Variants in KCNN2 observed in about 807,000 individuals in gnomAD.
KCNN2 encodes small conductance calcium-activated potassium channel protein 2.
A neutral mutation model predicts 55.5 loss-of-function variants in KCNN2; 24 were observed. That is an observed-to-expected ratio of 0.43 (90% CI 0.31 to 0.61). KCNN2 has a LOEUF of 0.61. KCNN2 is among the 20% of genes least tolerant of loss of function. The pLI is 0.08. For synonymous variants in KCNN2, 431 were observed against 336.1 expected (o/e 1.28, Z -3.09); for missense variants, 754 against 853.6 (o/e 0.88, Z 1.45).
chr5:114,371,528 G>A (rs147668873), intron 2 of KCNN2, among the ~76,000 whole-genome samples: 116 of 152,272 alleles, frequency 7.6e-4, no homozygotes, highest in Non-Finnish European at 1.5e-3. Context: ...TTAACATGGG[G>A]TAGGGAAGTG....
intron 1 of KCNN2, among the ~76,000 whole-genome samples, chr5:114,071,765 A>G (rs1485262955): frequency 6.6e-6 from 1 of 152,182 alleles, no homozygotes; most frequent in Non-Finnish European, 1.5e-5. Flanking sequence ...TATGGGCAGT[A>G]CACAAGGGAT....
At chr5:114,149,481 C>T (rs951577058) in intron 1 of KCNN2, among the ~76,000 whole-genome samples, 3 of 152,246 alleles carry the variant, frequency 2.0e-5, no homozygotes, top group South Asian at 2.1e-4. Flanking sequence ...GGGTCACTGC[C>T]TTCTGGTCCC....
rs193102034 is a variant in KCNN2, at chr5:114,346,725, T to C, written c.-184-14220T>C. 3.2e-3 allele frequency among the ~76,000 whole-genome samples: 469 copies of C among 147,432 alleles called. 3 individuals carry two copies. Among genetic ancestry groups the C allele is most frequent in the Non-Finnish European group, 5.3e-3 (355 of 67,456 alleles). ...GTAAAAAATGACATGGCAGTAACAA[T>C]GAGTTACCTTTGTATGCATATGTTG... On this transcript the variant is annotated intron_variant, in intron 2 of 10. Transcript: ENST00000512097.
At chr5:114,413,171 CA>C (rs1040849159) in intron 3 of KCNN2, among the ~76,000 whole-genome samples, 3 of 152,188 alleles carry the variant, frequency 2.0e-5, no homozygotes, top group Non-Finnish European at 4.4e-5. Flanking sequence ...TAATGTTTGC[CA>C]AATAAATTGG....
At chr5:114,115,308 A>C (rs1289399277) in intron 1 of KCNN2, among the ~76,000 whole-genome samples, 2 of 152,134 alleles carry the variant, frequency 1.3e-5, no homozygotes, top group African/African-American at 2.4e-5. Flanking sequence ...ATTGTATTGA[A>C]TACTAACCAT....
intron 3 of KCNN2, among the ~76,000 whole-genome samples, chr5:114,424,194 C>G (rs1230027252): frequency 6.6e-6 from 1 of 152,132 alleles, no homozygotes. Context: ...ATTACTTGCC[C>G]TGAATAAATT....
At chr5:114,437,032 T>C (rs1419664864) in intron 3 of KCNN2, among the ~76,000 whole-genome samples, 1 of 151,944 alleles carries the variant, frequency 6.6e-6, no homozygotes, top group Non-Finnish European at 1.5e-5. Context: ...CTATAAAATG[T>C]GTGTGTGTTT....
intron 1 of KCNN2, among the ~76,000 whole-genome samples, chr5:114,201,852 TGACAGCTGCAGCCTTGTCAGCC>T (rs1285949093): frequency 4.5e-4 from 68 of 152,150 alleles, no homozygotes; most frequent in Admixed American, 1.2e-3. Flanking sequence ...CTTGGCTGTG[TGACAGCTGCAGCCTTGTCAGCC>T]CAATCTCAGA....
At chr5:114,056,932 A>G (rs1290154276) in intron 1 of KCNN2, among the ~76,000 whole-genome samples, 1 of 152,132 alleles carries the variant, frequency 6.6e-6, no homozygotes, top group Non-Finnish European at 1.5e-5. Flanking sequence ...TGTAATGCTG[A>G]GGTTATAGGG....
chr5:114,069,530 G>A lies in KCNN2; in HGVS notation c.-271+13030G>A, dbSNP rs79600413. On this transcript the variant is annotated intron_variant, in intron 1 of 10. Coordinates refer to the KCNN2 transcript ENST00000512097. ...GGATATTTTTTTTTCTTGCTAATAA[G>A]ATTATAAGGTAACCTTATTTTCCTT... is the stretch of plus-strand genomic sequence containing the variant. 7.0e-3 allele frequency among the ~76,000 whole-genome samples: 1,058 copies of A among 152,110 alleles called. 19 individuals carry two copies. The highest frequency in any genetic ancestry group is 0.025 in the African/African-American group (1,032 of 41,484).
At chr5:114,232,147 A>T in intron 2 of KCNN2, among the ~76,000 whole-genome samples, 1 of 150,832 alleles carries the variant, frequency 6.6e-6, no homozygotes, top group East Asian at 1.9e-4. Flanking sequence ...CTTCACTTTG[A>T]TTGTTTCGAG....
chr5:114,146,513 T>C (rs572473448), intron 1 of KCNN2, among the ~76,000 whole-genome samples: 30 of 152,286 alleles, frequency 2.0e-4, no homozygotes, highest in Non-Finnish European at 5.9e-5. Context: ...ACATGAGAAG[T>C]GGCTTCTCCG....
In KCNN2 at chr5:114,126,152, A is replaced by T. The variant is rs989899359; in HGVS notation, c.-271+69652A>T. On this transcript the variant is annotated intron_variant, in intron 1 of 10. Transcript: ENST00000512097. Reference sequence around the variant, plus strand: ...TTCTCTGTTCAAGTCACCCCCTTTCATAAGGACACCAGTGATACTGGATTA... The same window carrying T: ...TTCTCTGTTCAAGTCACCCCCTTTCTTAAGGACACCAGTGATACTGGATTA... Among the ~76,000 whole-genome samples, 25 of 152,028 alleles carry T rather than the reference A, an allele frequency of 1.6e-4. 1 individual carries two copies. Among genetic ancestry groups the T allele is most frequent in the African/African-American group, 6.0e-4 (25 of 41,398 alleles).
intron 1 of KCNN2, among the ~76,000 whole-genome samples, chr5:114,197,879 T>A (rs542600103): frequency 6.6e-6 from 1 of 152,210 alleles, no homozygotes; most frequent in Non-Finnish European, 1.5e-5. Context: ...TTACTTTTCT[T>A]ACTGATATTT....
chr5:114,085,372 G>A (rs1454680673), intron 1 of KCNN2, among the ~76,000 whole-genome samples: 1 of 151,756 alleles, frequency 6.6e-6, no homozygotes, highest in East Asian at 1.9e-4. Flanking sequence ...GCTCTCACTA[G>A]TTTCTGTAGT....
chr5:114,485,100 GT>G (rs1487143953), intron 5 of KCNN2, among the ~76,000 whole-genome samples: 4 of 152,168 alleles, frequency 2.6e-5, no homozygotes, highest in African/African-American at 9.7e-5. Context: ...GGCATTTGCT[GT>G]TTGTAGATGG....
intron 1 of KCNN2, among the ~76,000 whole-genome samples, chr5:114,169,455 GA>G (rs1752985307): frequency 6.6e-6 from 1 of 151,988 alleles, no homozygotes; most frequent in African/African-American, 2.4e-5. Flanking sequence ...TTTCCCATAA[GA>G]AAAAAGACAT....
intron 2 of KCNN2, among the ~76,000 whole-genome samples, chr5:114,242,576 A>G (rs551909822): frequency 2.0e-5 from 3 of 152,308 alleles, no homozygotes; most frequent in East Asian, 3.9e-4. Flanking sequence ...AGTCCTTGGG[A>G]AGACCAGTGT....
intron 2 of KCNN2, among the ~76,000 whole-genome samples, chr5:114,311,161 T>TA (rs1561565858): frequency 4.6e-5 from 7 of 151,638 alleles, no homozygotes; most frequent in African/African-American, 1.7e-4. Context: ...ATATATATAT[T>TA]TTTAATATTA....
Sources: allele counts gnomAD v4.1 joint callset (sites outside exome capture counted in the v4.1 genomes callset), GRCh38; gene constraint gnomAD v4.1.1; transcripts MANE v1.5; gene names NCBI Gene and HGNC (gene_info 2026-07-23, HGNC 2026-07-21).